DDX49: variants seen among roughly 807,000 people sequenced by gnomAD.
DDX49 encodes the protein DEAD-box helicase 49, also known as probable ATP-dependent RNA helicase DDX49.
Under a neutral mutation model 56.3 loss-of-function variants are expected in DDX49, and 50 were observed. The observed-to-expected ratio is 0.89, with a 90% CI of 0.71 to 1.12. The LOEUF is 1.12. Among genes scored for constraint, DDX49 ranks in the 50% most tolerant of loss-of-function variants. DDX49 has a pLI of 0.00. For synonymous variants in DDX49, 269 were observed against 270.6 expected (o/e 0.99, Z 0.06); for missense variants, 614 against 650.5 (o/e 0.94, Z 0.61).
At chr19:18,920,150 C>T (rs1231256183) in intron 1 of DDX49, among the ~76,000 whole-genome samples, 3 of 152,200 alleles carry the variant, frequency 2.0e-5, no homozygotes, top group Non-Finnish European at 2.9e-5. Context: ...AGACCTGGTA[C>T]TGCTATCTTT....
chr19:18,924,778 G>C (rs2056947497), intron 8 of DDX49, 79 bp downstream of exon 8: 1 of 1,612,728 alleles, frequency 6.2e-7, no homozygotes, highest in African/African-American at 1.3e-5. Context: ...CTGGCCTCAG[G>C]CATGTCAGGC....
At chr19:18,927,070 CAAAAAAAAAA>C (rs35034273) in intron 10 of DDX49, among the ~76,000 whole-genome samples, 2 of 74,782 alleles carry the variant, frequency 2.7e-5, no homozygotes, top group South Asian at 4.9e-4. Context: ...GACTCTGTCT[CAAAAAAAAAA>C]AAAAAAAAAA....
chr19:18,923,195 A>G (rs1437860954), intron 6 of DDX49, among the ~76,000 whole-genome samples: 1 of 152,184 alleles, frequency 6.6e-6, no homozygotes, highest in Non-Finnish European at 1.5e-5. Flanking sequence ...AAGGGCAGAA[A>G]TCAAGGCGCT....
In DDX49 at chr19:18,926,485, G is replaced by T. The variant is rs2301662; in HGVS notation, c.1102+108G>T. The T allele has an allele frequency of 4.3e-6, 5 of 1,156,236 alleles. No individual in the cohort carries two copies. The Admixed American group carries it at 1.1e-4, about 24-fold the overall frequency. 71.6% of individuals were successfully genotyped at this position (1,156,236 alleles called of 1,614,324 possible). On this transcript the variant is annotated intron_variant, in intron 10 of 12. Coordinates refer to ENST00000247003, the MANE Select transcript of DDX49 (RefSeq NM_019070.5). ...GTCAGACACCAGCCGGCCTGCTCCC[G>T]TGAGCAGATTTAGGCTGGGGCTTCC...
rs781029535 is a variant in DDX49 at position 18,919,715 on chromosome 19, A to G, written c.-27A>G. The G allele has an allele frequency of 2.7e-5, 42 of 1,566,770 alleles. 1 individual carries two copies. Among genetic ancestry groups the G allele is most frequent in the East Asian group, 6.8e-5 (3 of 44,154 alleles). On this transcript the variant is annotated 5_prime_UTR_variant, in exon 1 of 13. Coordinates refer to ENST00000247003, the MANE Select transcript of DDX49 (RefSeq NM_019070.5). ...AAGCGCGGATCACACGGGCCCCTAC[A>G]AGGGGCCCCTACAAGCGGCCACAAG...
chr19:18,924,433 T>C, intron 7 of DDX49, 125 bp downstream of exon 7: 1 of 1,127,318 alleles, frequency 8.9e-7, no homozygotes, highest in South Asian at 1.3e-5. Context: ...GGTCCCAGAA[T>C]ATCGCAGCTC....
intron 5 of DDX49, 35 bp from the exon 6 acceptor site, chr19:18,922,569 C>T (rs1445823314): frequency 1.2e-6 from 2 of 1,601,262 alleles, no homozygotes; most frequent in South Asian, 1.1e-5. Flanking sequence ...CAGACAGGGA[C>T]ACTGAGGCGT....
chr19:18,925,922 T>C (rs997876645), intron 9 of DDX49, among the ~76,000 whole-genome samples: 1 of 152,218 alleles, frequency 6.6e-6, no homozygotes, highest in African/African-American at 2.4e-5. Context: ...TCACGGACCT[T>C]GTCCACCATC....
At chr19:18,927,678 C>G in intron 10 of DDX49, 88 bp from the exon 11 acceptor site, 2 of 1,122,532 alleles carry the variant, frequency 1.8e-6, no homozygotes, top group Non-Finnish European at 2.7e-6. Flanking sequence ...GCATACCCCA[C>G]AGCATGGGGA....
At chr19:18,920,755 G>C (rs762566903) in intron 2 of DDX49, 52 bp downstream of exon 2, 1 of 1,540,650 alleles carries the variant, frequency 6.5e-7, no homozygotes, top group Non-Finnish European at 8.8e-7. Context: ...GTGCTCTCTT[G>C]GGCAAGCACC....
chr19:18,919,893 C>G (rs761851210), intron 1 of DDX49, 37 bp downstream of exon 1: 8 of 1,457,236 alleles, frequency 5.5e-6, no homozygotes. Context: ...AGAGGCCTCT[C>G]CGCTCCTCTC....
rs200925304 is a variant in DDX49 at position 18,928,045 on chromosome 19, C to A, written c.1263+9C>A. ...TGATCCTGGAGGGGAAGGTGAGGGC[C>A]GAGCCCGCAGGTAGGGGGTGGGTGG... On this transcript the variant is annotated intron_variant, in intron 12 of 12. Coordinates refer to ENST00000247003, the MANE Select transcript of DDX49 (RefSeq NM_019070.5). 20 of 1,613,412 alleles carry A rather than the reference C, an allele frequency of 1.2e-5. No homozygotes were observed. Among genetic ancestry groups the A allele is most frequent in the East Asian group, 4.5e-5 (2 of 44,808 alleles).
intron 1 of DDX49, 75 bp downstream of exon 1, chr19:18,919,931 C>A: frequency 8.3e-7 from 1 of 1,208,686 alleles, no homozygotes. Flanking sequence ...GCAACCTTTG[C>A]TTATTCCGGT....
At position 18,924,280 on chromosome 19, in the gene DDX49, C is replaced by G. The variant is rs747700700; in HGVS notation, c.824C>G (p.Thr275Ser). 5 of 1,613,836 alleles carry G rather than the reference C, an allele frequency of 3.1e-6. No homozygotes were observed. Among genetic ancestry groups the G allele is most frequent in the Non-Finnish European group, 3.4e-6 (4 of 1,180,026 alleles). Residue 275 changes from threonine (T) to serine (S), a missense_variant, in exon 7 of 13, where the codon ACC becomes AGC. By Grantham distance (58) the Thr-to-Ser change is moderately conservative. Coordinates refer to ENST00000247003, the MANE Select transcript of DDX49 (RefSeq NM_019070.5). ...CMMLRKFSFP[T>S]VALHSMMKQK... ...ATGCTGCGCAAATTCAGCTTCCCCA[C>G]CGTGGCTCTGCACTCCATGATGAAG...
In DDX49 at chr19:18,924,619, G is replaced by T. The variant is rs61750860; in HGVS notation, c.853-4G>T. ...TTCCCAATTTTCTTCCCAACCCTGT[G>T]CAGAAAGAACGCTTTGCCGCCCTAG... On this transcript the variant is annotated splice_polypyrimidine_tract_variant and splice_region_variant and intron_variant, in intron 7 of 12. Transcript: ENST00000247003. 0.039 allele frequency: 62,953 copies of T among 1,613,924 alleles called. 5,601 individuals carry two copies. The highest frequency in any genetic ancestry group is 0.36 in the African/African-American group (26,687 of 74,894).
At position 18,922,413 on chromosome 19, in the gene DDX49, C is replaced by A. The variant is rs771078768; in HGVS notation, c.535C>A (p.Arg179Ser). ...GGCCATCCTGGCGGCTGTGCCGGCC[C>A]GCAGGCAGACACTGCTGTTCAGCGC... ...LEAILAAVPA[R>S]RQTLLFSATL... The change falls in exon 5 of 13, where the codon CGC (arginine) becomes AGC (serine). Residue 179 changes from arginine to serine, a missense_variant. Transcript: ENST00000247003. The A allele has an allele frequency of 1.2e-6, 2 of 1,609,624 alleles. No individual in the cohort carries two copies.
chr19:18,920,504 T>C, intron 1 of DDX49, 76 bp from the exon 2 acceptor site: 1 of 1,470,240 alleles, frequency 6.8e-7, no homozygotes, highest in Non-Finnish European at 9.3e-7. Flanking sequence ...TCACTGGCAG[T>C]GTGTCCTGGG....
intron 10 of DDX49, among the ~76,000 whole-genome samples, chr19:18,927,117 C>T (rs1601256967): frequency 6.7e-6 from 1 of 149,618 alleles, no homozygotes; most frequent in Admixed American, 6.7e-5. Context: ...ACTTTAAGGC[C>T]GGGCACGGTG....
At chr19:18,927,889 C>T in intron 11 of DDX49, 35 bp downstream of exon 11, 1 of 1,613,890 alleles carries the variant, frequency 6.2e-7, no homozygotes, top group Non-Finnish European at 8.5e-7. Context: ...CTAAAGTGCT[C>T]TCCAGGGCCG....
Sources: gnomAD v4.1 joint callset for allele counts (sites outside exome capture counted in the v4.1 genomes callset) on GRCh38, gnomAD v4.1.1 for gene constraint, MANE v1.5 for transcripts, NCBI Gene and HGNC (gene_info 2026-07-23, HGNC 2026-07-21) for gene names.